The following IARS1 variants were observed in gnomAD, a reference collection of about 807,000 sequenced individuals.
IARS1 encodes the protein isoleucyl-tRNA synthetase 1.
IARS1 carries 124 observed loss-of-function variants against 168.2 expected under a neutral mutation model. That is an observed-to-expected ratio of 0.74 (90% CI 0.64 to 0.86). The LOEUF is 0.86. Among genes scored for constraint, IARS1 ranks in the 40% least tolerant of loss-of-function variants. The pLI, the probability that IARS1 is intolerant of heterozygous loss-of-function variation, is 0.00. For missense variants in IARS1, 1,452 were observed against 1,515.8 expected, an observed-to-expected ratio of 0.96 and a Z score of 0.70; for synonymous variants, 532 against 529.4, an observed-to-expected ratio of 1.00 and a Z score of -0.07.
At chr9:92,289,517 C>A (rs72750465) in intron 1 of IARS1, 91 bp from the exon 2 acceptor site, 2 of 687,430 alleles carry the variant, frequency 2.9e-6, no homozygotes, top group East Asian at 5.1e-5. Flanking sequence ...ATGACACTAT[C>A]CATACTTTTA....
chr9:92,239,861 T>A (rs1172407571), intron 30 of IARS1, among the ~76,000 whole-genome samples: 1 of 152,066 alleles, frequency 6.6e-6, no homozygotes, highest in East Asian at 1.9e-4. Flanking sequence ...GGGCCATAGT[T>A]TTTTCTATGG....
intron 7 of IARS1, among the ~76,000 whole-genome samples, chr9:92,278,569 T>A (rs754468826): frequency 5.9e-5 from 9 of 152,336 alleles, no homozygotes; most frequent in Admixed American, 1.3e-4. Context: ...AAGGTAAACA[T>A]GTCAATGTTT....
At chr9:92,289,498 TG>T (rs1328155364) in intron 1 of IARS1, 72 bp from the exon 2 acceptor site, 1 of 740,820 alleles carries the variant, frequency 1.3e-6, no homozygotes, top group African/African-American at 1.8e-5. Flanking sequence ...ATTATTAACA[TG>T]GGTGTACATG....
intron 33 of IARS1, among the ~76,000 whole-genome samples, 173 bp downstream of exon 33, chr9:92,222,340 CAAAAAAA>C (rs60335070): frequency 1.3e-4 from 7 of 55,392 alleles, no homozygotes; most frequent in Admixed American, 5.4e-4. Context: ...GACTCAGTCT[CAAAAAAA>C]AAAAAAAAAA....
intron 14 of IARS1, among the ~76,000 whole-genome samples, chr9:92,265,772 C>T (rs974827361): frequency 6.6e-6 from 1 of 152,100 alleles, no homozygotes; most frequent in Non-Finnish European, 1.5e-5. Flanking sequence ...ATCCTCTCAC[C>T]TAAGCCTCCC....
At chr9:92,262,873 C>T (rs1456380419) in intron 17 of IARS1, 96 bp downstream of exon 17, 2 of 820,326 alleles carry the variant, frequency 2.4e-6, no homozygotes, top group Admixed American at 2.0e-5. Flanking sequence ...CAAAGCTCCA[C>T]CTGTCACTAC....
intron 28 of IARS1, 28 bp downstream of exon 28, chr9:92,243,188 G>C (rs1466623157): frequency 1.3e-6 from 2 of 1,563,002 alleles, no homozygotes; most frequent in Non-Finnish European, 1.8e-6. Context: ...AGCCAAAACA[G>C]TAGCTTATTC....
At chr9:92,224,467 A>C (rs1348355213) in intron 31 of IARS1, among the ~76,000 whole-genome samples, 1 of 152,232 alleles carries the variant, frequency 6.6e-6, no homozygotes, top group African/African-American at 2.4e-5. Context: ...CAGAATTAGA[A>C]AACTGGTGAC....
intron 30 of IARS1, among the ~76,000 whole-genome samples, chr9:92,234,905 G>A (rs72750427): frequency 0.031 from 4,649 of 151,246 alleles, 111 homozygotes; most frequent in South Asian, 0.079. Context: ...GTACAATGGC[G>A]CGATCTCGGC....
chr9:92,287,710 G>A, intron 4 of IARS1, 81 bp downstream of exon 4: 3 of 1,415,974 alleles, frequency 2.1e-6, no homozygotes, highest in Non-Finnish European at 2.9e-6. Flanking sequence ...AATAAAAAAA[G>A]CACAAGGGAC....
At chr9:92,230,696 A>G (rs572037910) in intron 30 of IARS1, among the ~76,000 whole-genome samples, 172 of 152,298 alleles carry the variant, frequency 1.1e-3, no homozygotes, top group Middle Eastern at 0.01. Flanking sequence ...CTGCCGAACT[A>G]TTTTCCAGAG....
intron 6 of IARS1, among the ~76,000 whole-genome samples, chr9:92,283,679 A>C (rs1376860259): frequency 6.6e-6 from 1 of 152,158 alleles, no homozygotes; most frequent in East Asian, 1.9e-4. Flanking sequence ...CTCTGACTCG[A>C]TAATTCCACT....
intron 33 of IARS1, among the ~76,000 whole-genome samples, chr9:92,216,068 G>C (rs1838627953): frequency 6.6e-6 from 1 of 151,698 alleles, no homozygotes; most frequent in African/African-American, 2.4e-5. Flanking sequence ...ACTAACAGCA[G>C]ATCTCTCGGC....
chr9:92,275,673 G>A (rs1200435669), intron 9 of IARS1, among the ~76,000 whole-genome samples: 1 of 152,074 alleles, frequency 6.6e-6, no homozygotes, highest in African/African-American at 2.4e-5. Flanking sequence ...GTCTACTTTG[G>A]GCCTACCCAG....
At chr9:92,257,122 A>G (rs1830839486) in intron 19 of IARS1, among the ~76,000 whole-genome samples, 1 of 152,232 alleles carries the variant, frequency 6.6e-6, no homozygotes, top group African/African-American at 2.4e-5. Context: ...TTTAAACCTC[A>G]GGAAGGAAGG....
intron 11 of IARS1, among the ~76,000 whole-genome samples, chr9:92,271,306 G>A (rs1327340383): frequency 6.6e-6 from 1 of 152,138 alleles, no homozygotes; most frequent in African/African-American, 2.4e-5. Flanking sequence ...TGCTTCATGA[G>A]GCATGAACTG....
At chr9:92,278,416 C>T in intron 7 of IARS1, 130 bp from the exon 8 acceptor site, 1 of 671,534 alleles carries the variant, frequency 1.5e-6, no homozygotes, top group Non-Finnish European at 2.7e-6. Flanking sequence ...CCAGTACTCA[C>T]AGAGAAATAC....
chr9:92,282,865 T>A (rs1447349062), intron 6 of IARS1, among the ~76,000 whole-genome samples: 2 of 145,898 alleles, frequency 1.4e-5, no homozygotes, highest in Admixed American at 1.4e-4. Flanking sequence ...TATATATTTT[T>A]TTTTTTTGAG....
intron 11 of IARS1, 137 bp from the exon 12 acceptor site, chr9:92,271,213 T>G (rs1832978842): frequency 1.6e-5 from 10 of 608,372 alleles, no homozygotes; most frequent in Non-Finnish European, 2.5e-5. Flanking sequence ...GTCACTAACT[T>G]TAAGTAATTT....
Sources: gnomAD v4.1 joint callset for allele counts (sites outside exome capture counted in the v4.1 genomes callset) on GRCh38, gnomAD v4.1.1 for gene constraint, MANE v1.5 for transcripts, NCBI Gene and HGNC (gene_info 2026-07-23, HGNC 2026-07-21) for gene names.